The following MRPS6 variants were observed in gnomAD, a reference collection of about 807,000 sequenced individuals.
The protein encoded by MRPS6 is mitochondrial ribosomal protein S6, also known as small ribosomal subunit protein bS6m.
In MRPS6, 6 loss-of-function variants were observed where a neutral mutation model predicts 13.1. That is an observed-to-expected ratio of 0.46 (90% CI 0.25 to 0.91). MRPS6 has a LOEUF of 0.91. MRPS6 is among the 40% of genes least tolerant of loss of function. The pLI is 0.18. For synonymous variants in MRPS6, 61 were observed against 56.5 expected (o/e 1.08, Z -0.36); for missense variants, 164 against 155.6 (o/e 1.05, Z -0.29).
At position 34,097,085 on chromosome 21, in the gene MRPS6, C is replaced by G. The variant is rs766187984; in HGVS notation, c.45+23340C>G. The G allele has an allele frequency of 2.5e-6, 4 of 1,613,884 alleles. No individual in the cohort carries two copies. The African/African-American group carries it at 5.3e-5, about 22-fold the overall frequency. Reference sequence around the variant, plus strand: ...ATTCAGAGGCAGAAACACCAGTTGACGCTTACTCCAATGGGCAAGCAGCTC... The same window carrying G: ...ATTCAGAGGCAGAAACACCAGTTGAGGCTTACTCCAATGGGCAAGCAGCTC... On this transcript the variant is annotated intron_variant, in intron 1 of 2. Coordinates refer to ENST00000399312, the MANE Select transcript of MRPS6 (RefSeq NM_032476.4).
intron 1 of MRPS6, among the ~76,000 whole-genome samples, chr21:34,093,832 A>G (rs1488353177): frequency 1.3e-5 from 2 of 152,184 alleles, no homozygotes; most frequent in African/African-American, 4.8e-5. Flanking sequence ...GATTATCTTA[A>G]TCCAGAACTG....
chr21:34,099,893 C>T (rs925652667), intron 1 of MRPS6: 7 of 358,332 alleles, frequency 2.0e-5, no homozygotes, highest in African/African-American at 1.3e-4. Context: ...ATAATGTGCT[C>T]GAGTAAGTTT....
At chr21:34,107,115 AGAGAT>A (rs1406912491) in intron 1 of MRPS6, among the ~76,000 whole-genome samples, 1 of 152,110 alleles carries the variant, frequency 6.6e-6, no homozygotes. Flanking sequence ...TACTTTTAGT[AGAGAT>A]ATGGTTTTGC....
rs184140800 is a variant in MRPS6, at chr21:34,084,394, C to T, written c.45+10649C>T. On this transcript the variant is annotated intron_variant, in intron 1 of 2. Coordinates refer to ENST00000399312, the MANE Select transcript of MRPS6 (RefSeq NM_032476.4). ...AAATTGGAACCAAGTAGACTGAGAACAGAAAAAAAACACAAAGTTGACCTG... is the reference window on the plus strand; with the variant it reads ...AAATTGGAACCAAGTAGACTGAGAATAGAAAAAAAACACAAAGTTGACCTG... 2.2e-4 allele frequency among the ~76,000 whole-genome samples: 33 copies of T among 151,766 alleles called. No individual in the cohort carries two copies. In the East Asian group the frequency reaches 6.2e-3, roughly 28 times the overall value.
At chr21:34,093,137 T>C (rs1978790821) in intron 1 of MRPS6, among the ~76,000 whole-genome samples, 1 of 152,166 alleles carries the variant, frequency 6.6e-6, no homozygotes, top group Non-Finnish European at 1.5e-5. Context: ...AGCATTTGTT[T>C]AAAAACTTGG....
chr21:34,074,128 C>T (rs1396053518), intron 1 of MRPS6, among the ~76,000 whole-genome samples: 5 of 148,964 alleles, frequency 3.4e-5, no homozygotes, highest in Non-Finnish European at 6.0e-5. Context: ...CCGGCCCGTC[C>T]CCGCCAGTCG....
intron 1 of MRPS6, among the ~76,000 whole-genome samples, chr21:34,118,350 T>C (rs894670891): frequency 7.9e-5 from 12 of 152,212 alleles, no homozygotes; most frequent in South Asian, 2.1e-4. Context: ...AGTTTTTTTT[T>C]CCAAAATGTT....
At chr21:34,106,350 T>C (rs2148663387) in intron 1 of MRPS6, 1 of 215,708 alleles carries the variant, frequency 4.6e-6, no homozygotes, top group East Asian at 1.8e-4. Context: ...TACCTCAGTT[T>C]CTTTTGCCCT....
intron 1 of MRPS6, among the ~76,000 whole-genome samples, chr21:34,076,412 G>T (rs1282455485): frequency 1.3e-5 from 2 of 152,200 alleles, no homozygotes; most frequent in Non-Finnish European, 2.9e-5. Context: ...CCCATTGAAA[G>T]ATTTCAGAGT....
chr21:34,092,506 T>G (rs947150998), intron 1 of MRPS6, among the ~76,000 whole-genome samples: 1 of 152,206 alleles, frequency 6.6e-6, no homozygotes, highest in Non-Finnish European at 1.5e-5. Context: ...GTACCTCTCC[T>G]GTGGGCAGAG....
At chr21:34,140,780 C>A (rs2123279444) in intron 2 of MRPS6, among the ~76,000 whole-genome samples, 1 of 151,766 alleles carries the variant, frequency 6.6e-6, no homozygotes, top group South Asian at 2.1e-4. Context: ...CTTGGTGGAC[C>A]CATTATTATG....
intron 1 of MRPS6, among the ~76,000 whole-genome samples, chr21:34,082,614 A>G (rs1871510252): frequency 6.6e-6 from 1 of 152,234 alleles, no homozygotes; most frequent in Non-Finnish European, 1.5e-5. Context: ...CATGAAAAAA[A>G]TTCAGGTGCT....
chr21:34,136,012 C>A, intron 2 of MRPS6: 1 of 285,178 alleles, frequency 3.5e-6, no homozygotes, highest in Non-Finnish European at 6.9e-6. Context: ...GCGTCCACTT[C>A]CCAAAGAGCT....
intron 1 of MRPS6, chr21:34,103,926 G>T: frequency 1.0e-6 from 1 of 1,000,120 alleles, no homozygotes; most frequent in Non-Finnish European, 1.2e-6. Context: ...GTTTTTGGTG[G>T]GTGGAACAGG....
At chr21:34,104,031 C>A (rs1979365875) in intron 1 of MRPS6, 1 of 1,000,086 alleles carries the variant, frequency 1.0e-6, no homozygotes, top group Non-Finnish European at 1.2e-6. Context: ...AGTGCCCCCC[C>A]AAACATGCAG....
intron 2 of MRPS6, among the ~76,000 whole-genome samples, chr21:34,139,243 G>A (rs771782510): frequency 7.3e-5 from 11 of 149,982 alleles, no homozygotes; most frequent in Non-Finnish European, 1.5e-4. Context: ...GCTAAATGAC[G>A]AGTTAATGGG....
chr21:34,119,079 G>A (rs1980030386), intron 1 of MRPS6, among the ~76,000 whole-genome samples: 1 of 152,096 alleles, frequency 6.6e-6, no homozygotes, highest in African/African-American at 2.4e-5. Context: ...AGTAGTTTCT[G>A]TGTTCGATAA....
rs560364321 is a variant in MRPS6, at chr21:34,079,458, CAG to C, written c.45+5716_45+5717del. 1.3e-4 allele frequency among the ~76,000 whole-genome samples: 20 copies of C among 152,028 alleles called. No homozygotes were observed. The South Asian group carries it at 4.0e-3, about 30-fold the overall frequency. On this transcript the variant is annotated intron_variant, in intron 1 of 2. Transcript: ENST00000399312. Reference sequence around the variant, plus strand: ...TCTTCTTCTTTCTGTTTTTTTGAGACAGAGTCTTGCTGTGTTGCCTAGGCTGG... The same window carrying C: ...TCTTCTTCTTTCTGTTTTTTTGAGACAGTCTTGCTGTGTTGCCTAGGCTGG...
At chr21:34,090,266 A>G (rs978414446) in intron 1 of MRPS6, among the ~76,000 whole-genome samples, 4 of 152,192 alleles carry the variant, frequency 2.6e-5, no homozygotes, top group African/African-American at 9.7e-5. Context: ...CCACATTTTT[A>G]AAGTAAGCAG....
Sources: gnomAD v4.1 joint callset for allele counts (sites outside exome capture counted in the v4.1 genomes callset) on GRCh38, gnomAD v4.1.1 for gene constraint, MANE v1.5 for transcripts, NCBI Gene and HGNC (gene_info 2026-07-23, HGNC 2026-07-21) for gene names.